The following PRRT1B variants were observed in gnomAD, a reference collection of about 807,000 sequenced individuals.
PRRT1B encodes the protein dispanin subfamily D member 2.
At chr9:131,545,663 TGGGACAGGTACTGGC>T (rs1205957976) in intron 1 of PRRT1B, 23 bp downstream of exon 1, 16 of 384,224 alleles carry the variant, frequency 4.2e-5, no homozygotes, top group Admixed American at 2.3e-4. Context: ...CAGGTGCTGG[TGGGACAGGTACTGGC>T]GGGGCAGGTA....
intron 1 of PRRT1B, among the ~76,000 whole-genome samples, chr9:131,547,064 G>GTTTTTTTT (rs1950980780): frequency 1.3e-5 from 1 of 76,372 alleles, no homozygotes; most frequent in African/African-American, 1.1e-4. Context: ...CCTCCTGTTC[G>GTTTTTTTT]CTTTTTTTTT....
At chr9:131,552,298 G>GT (rs1951017219) in intron 1 of PRRT1B, among the ~76,000 whole-genome samples, 1 of 152,158 alleles carries the variant, frequency 6.6e-6, no homozygotes, top group African/African-American at 2.4e-5. Flanking sequence ...GGCCAAGTGT[G>GT]TTTACCTTGA....
At chr9:131,556,401 C>G (rs1951050629) in intron 3 of PRRT1B, among the ~76,000 whole-genome samples, 188 bp downstream of exon 3, 1 of 152,204 alleles carries the variant, frequency 6.6e-6, no homozygotes, top group Non-Finnish European at 1.5e-5. Context: ...CTGCCCCCAA[C>G]TATTCAAAAT....
chr9:131,545,613 A>C, exon 1 of PRRT1B: 1 of 393,068 alleles, frequency 2.5e-6, no homozygotes, highest in East Asian at 3.6e-5. Flanking sequence ...GCGGGCTCGG[A>C]CCATGGAGGC....
At chr9:131,546,158 G>C (rs1238703428) in intron 1 of PRRT1B, among the ~76,000 whole-genome samples, 1 of 152,156 alleles carries the variant, frequency 6.6e-6, no homozygotes, top group East Asian at 1.9e-4. Flanking sequence ...TCACCGCCCC[G>C]GCCAGGCTGA....
At chr9:131,558,151 C>T (rs913399011) in exon 4 of PRRT1B, 19 of 400,892 alleles carry the variant, frequency 4.7e-5, no homozygotes, top group Non-Finnish European at 6.6e-5. Context: ...TCGGGGTCTT[C>T]GTGTCTACCA....
exon 1 of PRRT1B, chr9:131,545,556 C>G (rs1785915000): frequency 5.0e-6 from 2 of 396,374 alleles, no homozygotes; most frequent in Non-Finnish European, 4.5e-6. Flanking sequence ...GGAGCCGGCC[C>G]GACGGCAGGC....
intron 1 of PRRT1B, among the ~76,000 whole-genome samples, chr9:131,550,356 C>CA (rs1305777950): frequency 2.6e-5 from 4 of 152,154 alleles, no homozygotes; most frequent in Non-Finnish European, 1.5e-5. Flanking sequence ...CACCCTTCAT[C>CA]CCAGCCTCTC....
chr9:131,547,439 A>T (rs1032337362), intron 1 of PRRT1B, among the ~76,000 whole-genome samples: 6 of 152,006 alleles, frequency 3.9e-5, no homozygotes, highest in African/African-American at 1.4e-4. Flanking sequence ...ACCCCTGCCC[A>T]CCAGAAAAGA....
At chr9:131,548,109 C>T (rs1204573648) in intron 1 of PRRT1B, among the ~76,000 whole-genome samples, 3 of 152,156 alleles carry the variant, frequency 2.0e-5, no homozygotes, top group Non-Finnish European at 2.9e-5. Flanking sequence ...GGGATGCCTG[C>T]TTTGGCTGCT....
At chr9:131,545,629 C>T in exon 1 of PRRT1B, 1 of 400,376 alleles carries the variant, frequency 2.5e-6, no homozygotes, top group Non-Finnish European at 4.4e-6. Flanking sequence ...GAGGCAGGAG[C>T]TGGAGGGGCA....
intron 3 of PRRT1B, among the ~76,000 whole-genome samples, chr9:131,557,336 C>T (rs935454212): frequency 6.6e-6 from 1 of 152,028 alleles, no homozygotes; most frequent in African/African-American, 2.4e-5. Flanking sequence ...GTCAGGAGTT[C>T]GAGATCAGCC....
chr9:131,558,416 A>G (rs1278425479), exon 4 of PRRT1B: 2 of 385,716 alleles, frequency 5.2e-6, no homozygotes, highest in East Asian at 7.4e-5. Flanking sequence ...CTGGAGCCTC[A>G]GTCAGTGTCC....
chr9:131,556,197 T>G, exon 3 of PRRT1B: 1 of 401,028 alleles, frequency 2.5e-6, no homozygotes. Flanking sequence ...CTCATCGCCA[T>G]CGTCTACTCC....
At position 131,554,162 on chromosome 9, in the gene PRRT1B, G is replaced by A. The variant is rs1190485591; in HGVS notation, c.26-395G>A. Among the ~76,000 whole-genome samples the A allele has an allele frequency of 4.6e-5, 7 of 152,232 alleles. No homozygotes were observed. In the East Asian group the frequency reaches 1.3e-3, roughly 29 times the overall value. On this transcript the variant is annotated intron_variant, in intron 1 of 3. Coordinates refer to ENST00000636672, the Ensembl canonical transcript of PRRT1B. The stretch of plus-strand genomic sequence containing the variant: ...TGGTTCAGCTCATCTCCTCAGGTAG[G>A]CGTCCCCTTCATTGGAGGTGTATCT...
chr9:131,556,540 GCTCAT>G (rs1391472522), intron 3 of PRRT1B, among the ~76,000 whole-genome samples: 3 of 152,240 alleles, frequency 2.0e-5, no homozygotes, highest in Middle Eastern at 3.4e-3. Context: ...TCATTCCTAT[GCTCAT>G]CTCATCTATC....
At chr9:131,555,378 C>T (rs1276706653) in intron 2 of PRRT1B, among the ~76,000 whole-genome samples, 3 of 151,986 alleles carry the variant, frequency 2.0e-5, no homozygotes, top group Non-Finnish European at 4.4e-5. Flanking sequence ...ATTAGATTTT[C>T]TTTAAAAACA....
At chr9:131,554,859 C>T (rs1435323448) in exon 2 of PRRT1B, 8 of 376,300 alleles carry the variant, frequency 2.1e-5, no homozygotes, top group Admixed American at 4.6e-5. Flanking sequence ...CTACGCGCCG[C>T]CGGACCCCAA....
In PRRT1B at chr9:131,556,090, C is replaced by T. The variant is rs1051913598; in HGVS notation, c.519C>T (p.Gly173=). ...CACAGTACAATGGCCCGATGGCTGG[C>T]GTGCCAGGCCCTGCCACGGTGGAGC... Residue 173 remains glycine, a synonymous_variant, in exon 3 of 4, where the codon GGC becomes GGT. Transcript: ENST00000636672. The T allele has an allele frequency of 8.0e-5, 32 of 400,914 alleles. 1 individual carries two copies. The highest frequency in any genetic ancestry group is 6.2e-4 in the Middle Eastern group (2 of 3,220). 24.8% of individuals were successfully genotyped at this position (400,914 alleles called of 1,614,324 possible).
Sources: gnomAD v4.1 joint callset for allele counts (sites outside exome capture counted in the v4.1 genomes callset) on GRCh38, gnomAD v4.1.1 for gene constraint, MANE v1.5 for transcripts, NCBI Gene and HGNC (gene_info 2026-07-23, HGNC 2026-07-21) for gene names.